The following ERGIC1 variants were observed in gnomAD, a reference collection of about 807,000 sequenced individuals.
ERGIC1 encodes the protein endoplasmic reticulum-golgi intermediate compartment 1.
In ERGIC1, 19 loss-of-function variants were observed where a neutral mutation model predicts 38.3. The observed-to-expected ratio is 0.50, with a 90% CI of 0.35 to 0.73. ERGIC1 has a LOEUF of 0.73. Among genes scored for constraint, ERGIC1 ranks in the 30% least tolerant of loss-of-function variants. ERGIC1 has a pLI of 0.01. For synonymous variants in ERGIC1, 124 were observed against 157.6 expected (o/e 0.79, Z 1.60); for missense variants, 294 against 389.2 (o/e 0.76, Z 2.06).
At chr5:172,848,670 C>G (rs1164069671) in intron 1 of ERGIC1, among the ~76,000 whole-genome samples, 2 of 152,154 alleles carry the variant, frequency 1.3e-5, no homozygotes, top group Admixed American at 6.5e-5. Context: ...GCTGAGCCAG[C>G]ATCTGCACAC....
At chr5:172,914,905 A>G (rs1460630257) in intron 5 of ERGIC1, 67 bp downstream of exon 5, 17 of 1,607,614 alleles carry the variant, frequency 1.1e-5, no homozygotes, top group Non-Finnish European at 1.4e-5. Flanking sequence ...GCTCCCTGGA[A>G]ACTGGTTGTG....
At chr5:172,906,827 T>A (rs549715961) in intron 3 of ERGIC1, among the ~76,000 whole-genome samples, 2 of 152,114 alleles carry the variant, frequency 1.3e-5, no homozygotes, top group East Asian at 3.9e-4. Context: ...TAGATTTGGT[T>A]CCCTCTGGGT....
At chr5:172,866,969 A>C (rs191183096) in intron 1 of ERGIC1, 2 of 347,530 alleles carry the variant, frequency 5.8e-6, no homozygotes, top group Non-Finnish European at 1.2e-5. Flanking sequence ...GAAAAAATGC[A>C]TGAATGTGGA....
chr5:172,933,381 A>C (rs1456303829), intron 8 of ERGIC1: 1 of 152,222 alleles, frequency 6.6e-6, no homozygotes, highest in Non-Finnish European at 1.5e-5. Context: ...CCGTCTTCTC[A>C]ATCATCATGA....
At chr5:172,867,166 A>G (rs1222520620) in intron 1 of ERGIC1, 2 of 455,064 alleles carry the variant, frequency 4.4e-6, no homozygotes, top group South Asian at 3.1e-5. Flanking sequence ...GCTTGCCAGC[A>G]ATGCCACCTT....
In ERGIC1 at chr5:172,837,943, G is replaced by A. The variant is rs1356382140; in HGVS notation, c.20+3510G>A. On this transcript the variant is annotated intron_variant, in intron 1 of 9. Coordinates refer to ENST00000393784, the MANE Select transcript of ERGIC1 (RefSeq NM_001031711.3). This position sits in a 1 kb window ranked among gnomAD's most constrained non-coding sequence, Gnocchi z 4.3. ...GAAGATAACAGCATCCGGAAGCCCT[G>A]TGCCCAGGCCCAGTGGTGCCTGAGC... Among the ~76,000 whole-genome samples the A allele has an allele frequency of 6.6e-6, 1 of 152,186 alleles. No individual in the cohort carries two copies. The highest frequency in any genetic ancestry group is 1.5e-5 in the Non-Finnish European group (1 of 68,034).
intron 7 of ERGIC1, among the ~76,000 whole-genome samples, chr5:172,930,219 AT>A (rs1763747203): frequency 6.7e-6 from 1 of 149,978 alleles, no homozygotes; most frequent in Admixed American, 6.8e-5. Context: ...GTATGGTCCT[AT>A]TTTAGGAAAA....
chr5:172,904,111 T>C (rs1762960148), intron 3 of ERGIC1, among the ~76,000 whole-genome samples: 1 of 152,224 alleles, frequency 6.6e-6, no homozygotes, highest in Non-Finnish European at 1.5e-5. Context: ...TATTTTCCTC[T>C]TTTTCTCTCC....
chr5:172,912,006 G>C (rs1763220384), intron 4 of ERGIC1, among the ~76,000 whole-genome samples: 1 of 150,460 alleles, frequency 6.6e-6, no homozygotes, highest in Non-Finnish European at 1.5e-5. Flanking sequence ...GGTTGTTTTT[G>C]TTGTTATTGT....
intron 1 of ERGIC1, among the ~76,000 whole-genome samples, chr5:172,882,645 C>G (rs1762313027): frequency 6.6e-6 from 1 of 152,138 alleles, no homozygotes; most frequent in Admixed American, 6.5e-5. Flanking sequence ...ATATGTATGT[C>G]AAAGTGCCCA....
At chr5:172,920,058 G>A (rs1264217008) in intron 5 of ERGIC1, among the ~76,000 whole-genome samples, 4 of 152,144 alleles carry the variant, frequency 2.6e-5, no homozygotes, top group Non-Finnish European at 5.9e-5. Context: ...CAGGGCCCTG[G>A]CCCTCTGAGC....
At chr5:172,852,235 C>G (rs1761429537) in intron 1 of ERGIC1, among the ~76,000 whole-genome samples, 1 of 152,210 alleles carries the variant, frequency 6.6e-6, no homozygotes, top group Non-Finnish European at 1.5e-5. Context: ...ATGGATAGAG[C>G]TGAAAAGAGT....
Position 172,837,679 on chromosome 5 carries a change from G to A in ERGIC1, c.20+3246G>A, listed in dbSNP as rs1190628399. ...TCCCCTCTCCACCCTTGAATCTGCC[G>A]TTCCTAGGTTGTTTTTGGGGTTAAG... On this transcript the variant is annotated intron_variant, in intron 1 of 9. Transcript: ENST00000393784. This position sits in a 1 kb window ranked among gnomAD's most constrained non-coding sequence, Gnocchi z 4.3. Among the ~76,000 whole-genome samples, 4 of 152,208 alleles carry A rather than the reference G, an allele frequency of 2.6e-5. No homozygotes were observed. Among genetic ancestry groups the A allele is most frequent in the East Asian group, 1.9e-4 (1 of 5,198 alleles).
At chr5:172,881,507 C>CG (rs976513366) in intron 1 of ERGIC1, among the ~76,000 whole-genome samples, 9 of 152,098 alleles carry the variant, frequency 5.9e-5, no homozygotes, top group South Asian at 2.1e-4. Context: ...CTCCAGTGGC[C>CG]GGGGAGGGCT....
At chr5:172,886,065 C>T (rs1762409913) in intron 1 of ERGIC1, among the ~76,000 whole-genome samples, 4 of 152,038 alleles carry the variant, frequency 2.6e-5, no homozygotes, top group Non-Finnish European at 1.5e-5. Context: ...TTCCCTCTCC[C>T]CACCCCTACC....
intron 3 of ERGIC1, among the ~76,000 whole-genome samples, chr5:172,900,821 G>C (rs1379597363): frequency 6.6e-6 from 1 of 152,184 alleles, no homozygotes; most frequent in African/African-American, 2.4e-5. Flanking sequence ...GATGAATAGA[G>C]AGATCTGTCC....
chr5:172,898,002 G>A (rs755131588), intron 3 of ERGIC1: 14 of 410,224 alleles, frequency 3.4e-5, no homozygotes, highest in East Asian at 2.9e-4. Flanking sequence ...CTCATCGGAC[G>A]CCCCTCTGTG....
intron 3 of ERGIC1, chr5:172,898,143 C>A (rs1762771909): frequency 1.4e-5 from 5 of 363,952 alleles, no homozygotes; most frequent in Non-Finnish European, 2.4e-5. Context: ...CTGCTCAACA[C>A]TGGAATTTTC....
At chr5:172,857,588 G>GCCCCCCCC (rs57477954) in intron 1 of ERGIC1, among the ~76,000 whole-genome samples, 8 of 132,696 alleles carry the variant, frequency 6.0e-5, no homozygotes, top group African/African-American at 1.4e-4. Flanking sequence ...TAATAATGGT[G>GCCCCCCCC]CCCCCCCCAC....
Sources: allele counts gnomAD v4.1 joint callset (sites outside exome capture counted in the v4.1 genomes callset), GRCh38; gene constraint gnomAD v4.1.1; non-coding constraint Gnocchi (gnomAD v3.1); transcripts MANE v1.5; gene names NCBI Gene and HGNC (gene_info 2026-07-23, HGNC 2026-07-21).